The following PCSK2 variants were observed in gnomAD, a reference collection of about 807,000 sequenced individuals.
PCSK2 encodes neuroendocrine convertase 2.
In PCSK2, 14 loss-of-function variants were observed where a neutral mutation model predicts 69.7. That is an observed-to-expected ratio of 0.20 (90% CI 0.13 to 0.31). The LOEUF (loss-of-function observed/expected upper bound fraction) is 0.31. Ranked by LOEUF, PCSK2 falls within the 10% of genes least tolerant of loss-of-function variation. The probability of loss-of-function intolerance (pLI) is 1.00; values close to 1 mark genes in which losing one functional copy is unlikely to be tolerated. For missense variants in PCSK2, 544 were observed against 842.5 expected, an observed-to-expected ratio of 0.65 and a Z score of 4.39; for synonymous variants, 307 against 320.7, an observed-to-expected ratio of 0.96 and a Z score of 0.46.
chr20:17,323,831 A>G (rs1348071098), intron 2 of PCSK2, among the ~76,000 whole-genome samples: 1 of 152,200 alleles, frequency 6.6e-6, no homozygotes, highest in African/African-American at 2.4e-5. Flanking sequence ...CTTGTGTCCC[A>G]CCCACTGTCC....
In PCSK2 at chr20:17,436,868, C is replaced by T. The variant is rs6044812; in HGVS notation, c.870C>T (p.Ala290=). The T allele has an allele frequency of 0.013, 20,445 of 1,610,980 alleles. 166 individuals carry two copies. The highest frequency in any genetic ancestry group is 0.018 in the South Asian group (1,677 of 90,738). ...GPRELTLQAM[A]DGVNKGRGGK... is the part of the protein sequence containing the mutation. ...GGGAGCTCACGCTGCAGGCCATGGC[C>T]GATGGCGTGAACAAGGTAAGGGGGC... The change falls in exon 8 of 12, where the codon GCC becomes GCT. Residue 290 remains alanine, a synonymous_variant. Transcript: ENST00000262545.
At chr20:17,281,510 C>T (rs1041959700) in intron 2 of PCSK2, among the ~76,000 whole-genome samples, 2 of 152,344 alleles carry the variant, frequency 1.3e-5, no homozygotes, top group Admixed American at 1.3e-4. Context: ...GGACCTTTCA[C>T]TCAGCTATTG....
intron 6 of PCSK2, among the ~76,000 whole-genome samples, chr20:17,419,284 G>T (rs2032071754): frequency 6.6e-6 from 1 of 152,204 alleles, no homozygotes; most frequent in African/African-American, 2.4e-5. Context: ...GATTATTCCT[G>T]TTTAAGCAGA....
chr20:17,243,754 C>T (rs1986671526), intron 1 of PCSK2, among the ~76,000 whole-genome samples: 1 of 152,180 alleles, frequency 6.6e-6, no homozygotes, highest in African/African-American at 2.4e-5. Context: ...ATGCCCCTGC[C>T]ATGATACATC....
At chr20:17,293,143 A>G (rs974348255) in intron 2 of PCSK2, among the ~76,000 whole-genome samples, 1 of 152,116 alleles carries the variant, frequency 6.6e-6, no homozygotes, top group Non-Finnish European at 1.5e-5. Context: ...ATTTTCTAAA[A>G]CTTTATTGCT....
chr20:17,430,390 T>G (rs2032340055), intron 7 of PCSK2, among the ~76,000 whole-genome samples: 3 of 152,234 alleles, frequency 2.0e-5, no homozygotes, highest in Admixed American at 2.0e-4. Flanking sequence ...TTTTCTTTTT[T>G]GTTTACAACT....
intron 8 of PCSK2, among the ~76,000 whole-genome samples, chr20:17,445,724 C>T (rs529523127): frequency 2.6e-5 from 4 of 152,340 alleles, no homozygotes; most frequent in African/African-American, 9.6e-5. Flanking sequence ...ATGAATGCCT[C>T]CTGCCAAGGA....
chr20:17,325,741 C>T (rs1469387725), intron 2 of PCSK2, among the ~76,000 whole-genome samples: 3 of 152,232 alleles, frequency 2.0e-5, no homozygotes, highest in Admixed American at 1.3e-4. Context: ...TACTAATGGG[C>T]TATCCCAGGC....
At chr20:17,455,131 C>T (rs994497719) in intron 9 of PCSK2, among the ~76,000 whole-genome samples, 8 of 152,094 alleles carry the variant, frequency 5.3e-5, no homozygotes, top group Non-Finnish European at 1.2e-4. Flanking sequence ...CCACTCCCTA[C>T]CCCAAAGACC....
intron 6 of PCSK2, among the ~76,000 whole-genome samples, chr20:17,423,362 G>A (rs1239224070): frequency 6.6e-6 from 1 of 152,180 alleles, no homozygotes; most frequent in African/African-American, 2.4e-5. Flanking sequence ...AGAAAGGTGT[G>A]TCTGGGTTAA....
At chr20:17,459,935 A>T (rs1013469501) in intron 10 of PCSK2, among the ~76,000 whole-genome samples, 4 of 152,200 alleles carry the variant, frequency 2.6e-5, no homozygotes, top group Non-Finnish European at 5.9e-5. Context: ...AGGTGTTGGT[A>T]TTCAGTCAAG....
intron 1 of PCSK2, among the ~76,000 whole-genome samples, chr20:17,237,359 T>C (rs980832787): frequency 1.3e-5 from 2 of 152,200 alleles, no homozygotes; most frequent in African/African-American, 4.8e-5. Context: ...TCATTCATGC[T>C]ATGGCAAGAA....
At chr20:17,381,788 G>T (rs1040498361) in intron 5 of PCSK2, among the ~76,000 whole-genome samples, 27 of 152,046 alleles carry the variant, frequency 1.8e-4, no homozygotes, top group African/African-American at 6.5e-4. Context: ...CACCCCACAA[G>T]CATACACACA....
intron 5 of PCSK2, among the ~76,000 whole-genome samples, chr20:17,396,986 C>T (rs1233543879): frequency 6.6e-6 from 1 of 152,070 alleles, no homozygotes; most frequent in East Asian, 1.9e-4. Flanking sequence ...GTCATGAATT[C>T]GAATCTGCTT....
intron 4 of PCSK2, among the ~76,000 whole-genome samples, chr20:17,360,976 T>C (rs1344103411): frequency 6.6e-6 from 1 of 152,244 alleles, no homozygotes; most frequent in Non-Finnish European, 1.5e-5. Context: ...TCAATTTCTC[T>C]AGACTCACAC....
At chr20:17,360,112 A>T (rs1157582143) in intron 3 of PCSK2, among the ~76,000 whole-genome samples, 1 of 152,260 alleles carries the variant, frequency 6.6e-6, no homozygotes, top group Non-Finnish European at 1.5e-5. Flanking sequence ...AAGAAGTTAT[A>T]TTCAAATAAG....
At chr20:17,457,017 C>T (rs2032934957) in intron 10 of PCSK2, among the ~76,000 whole-genome samples, 1 of 152,220 alleles carries the variant, frequency 6.6e-6, no homozygotes, top group Non-Finnish European at 1.5e-5. Context: ...GAGACCATCT[C>T]CTATGTCCTC....
intron 5 of PCSK2, among the ~76,000 whole-genome samples, chr20:17,405,098 A>G (rs1240725526): frequency 6.6e-6 from 1 of 152,196 alleles, no homozygotes; most frequent in Non-Finnish European, 1.5e-5. Context: ...GCCAGCTTAC[A>G]TTCCTTGTTT....
At chr20:17,376,085 C>T (rs2030917255) in intron 5 of PCSK2, among the ~76,000 whole-genome samples, 1 of 152,216 alleles carries the variant, frequency 6.6e-6, no homozygotes, top group African/African-American at 2.4e-5. Flanking sequence ...CATTCCCAGG[C>T]TCTCCTGCTG....
Sources: allele counts gnomAD v4.1 joint callset (sites outside exome capture counted in the v4.1 genomes callset), GRCh38; gene constraint gnomAD v4.1.1; transcripts MANE v1.5; gene names NCBI Gene and HGNC (gene_info 2026-07-23, HGNC 2026-07-21).